Variants in RIN2 observed in about 807,000 individuals in gnomAD.
RIN2 encodes the protein RAB5 interacting protein 2.
In RIN2, 36 loss-of-function variants were observed where a neutral mutation model predicts 78.0. The observed-to-expected ratio is 0.46, with a 90% confidence interval of 0.35 to 0.61. The LOEUF (loss-of-function observed/expected upper bound fraction) is 0.61, where lower values mean the gene tolerates loss of function less well. Ranked by LOEUF, RIN2 falls within the 20% of genes least tolerant of loss-of-function variation. The probability of loss-of-function intolerance (pLI) is 0.00; values close to 1 mark genes in which losing one functional copy is unlikely to be tolerated. For missense variants in RIN2, 1,087 were observed against 1,159.7 expected (o/e 0.94, Z 0.91); for synonymous variants, 466 against 466.8 (o/e 1.00, Z 0.02).
At chr20:19,910,852 G>C (rs570380763) in intron 3 of RIN2, among the ~76,000 whole-genome samples, 1 of 150,144 alleles carries the variant, frequency 6.7e-6, no homozygotes, top group Admixed American at 6.6e-5. Context: ...ACAGGCGTGA[G>C]CCACACCGCA....
chr20:19,859,840 G>A (rs998648310), intron 2 of RIN2, among the ~76,000 whole-genome samples: 1 of 152,144 alleles, frequency 6.6e-6, no homozygotes, highest in Admixed American at 6.5e-5. Flanking sequence ...CAGTCATCAA[G>A]CCCAAAACTT....
chr20:19,901,508 C>T (rs1019678250), intron 3 of RIN2, among the ~76,000 whole-genome samples: 3 of 152,138 alleles, frequency 2.0e-5, no homozygotes, highest in East Asian at 1.9e-4. Context: ...GATTGAGGGG[C>T]GGCTCTTCCC....
intron 4 of RIN2, among the ~76,000 whole-genome samples, chr20:19,953,213 A>C (rs1452069416): frequency 1.3e-5 from 2 of 152,056 alleles, no homozygotes; most frequent in East Asian, 3.9e-4. Context: ...ATCTCGGCTC[A>C]CTGCAACCTC....
intron 3 of RIN2, among the ~76,000 whole-genome samples, chr20:19,921,703 G>T (rs1468123060): frequency 6.6e-6 from 1 of 152,164 alleles, no homozygotes; most frequent in Admixed American, 6.5e-5. Flanking sequence ...GCCCAGAGCC[G>T]AAGAACTGTG....
chr20:19,959,573 C>T (rs1351443221), intron 5 of RIN2, among the ~76,000 whole-genome samples: 1 of 152,132 alleles, frequency 6.6e-6, no homozygotes, highest in Non-Finnish European at 1.5e-5. Context: ...CCCATCTTCC[C>T]ACCCCCCAAA....
chr20:19,952,222 G>T (rs1008391273), intron 4 of RIN2, among the ~76,000 whole-genome samples: 1 of 152,198 alleles, frequency 6.6e-6, no homozygotes, highest in African/African-American at 2.4e-5. Context: ...TATGTCACTG[G>T]CAGTGAGTCT....
intron 3 of RIN2, among the ~76,000 whole-genome samples, chr20:19,897,993 C>G (rs1783529671): frequency 6.6e-6 from 1 of 152,216 alleles, no homozygotes; most frequent in Non-Finnish European, 1.5e-5. Flanking sequence ...GGATTATTGG[C>G]ATGAGCTTTG....
chr20:19,923,488 T>TAAAATAAA lies in RIN2; in HGVS notation c.58-11608_58-11607insATAAAAAA, dbSNP rs1298455817. On this transcript the variant is annotated intron_variant, in intron 3 of 12. Coordinates refer to ENST00000255006, the MANE Select transcript of RIN2 (RefSeq NM_018993.4). ...ATAAAATAAATAAAATAAAATAAAA[T>TAAAATAAA]AAATATTGGCTGAGAGGTGTGGTTC... is the stretch of plus-strand genomic sequence containing the variant. Among the ~76,000 whole-genome samples the TAAAATAAA allele has an allele frequency of 8.5e-4, 121 of 141,690 alleles. 1 individual carries two copies. Among genetic ancestry groups the TAAAATAAA allele is most frequent in the African/African-American group, 3.1e-3 (116 of 36,868 alleles). The allele number at this position is 141,690 out of a possible 152,430, so 93.0% of individuals were successfully genotyped here. A position where few individuals can be genotyped will look rare whatever the true frequency, so the allele number is the denominator to read the frequency against.
chr20:19,804,526 C>G (rs2035343947), intron 2 of RIN2, among the ~76,000 whole-genome samples: 1 of 152,184 alleles, frequency 6.6e-6, no homozygotes, highest in African/African-American at 2.4e-5. Flanking sequence ...ATCAAACCAG[C>G]CTTGCATCCC....
chr20:19,995,148 A>T (rs1431786345), intron 11 of RIN2, among the ~76,000 whole-genome samples: 1 of 151,904 alleles, frequency 6.6e-6, no homozygotes, highest in Non-Finnish European at 1.5e-5. Flanking sequence ...AGGGTCTCAC[A>T]TGAATAAAGC....
chr20:19,804,981 TC>T (rs2035359239), intron 2 of RIN2, among the ~76,000 whole-genome samples: 1 of 152,200 alleles, frequency 6.6e-6, no homozygotes, highest in African/African-American at 2.4e-5. Context: ...GGTCTTTGTG[TC>T]CAGTAATTTA....
intron 4 of RIN2, among the ~76,000 whole-genome samples, chr20:19,945,232 CT>C (rs1012922372): frequency 1.3e-5 from 2 of 152,184 alleles, no homozygotes; most frequent in African/African-American, 4.8e-5. Flanking sequence ...CACCTAACCG[CT>C]GAAGATTAGG....
chr20:19,933,221 C>T (rs775631897), intron 3 of RIN2, among the ~76,000 whole-genome samples: 2 of 152,200 alleles, frequency 1.3e-5, no homozygotes, highest in African/African-American at 2.4e-5. Flanking sequence ...CTACTTAAGG[C>T]CTTCCAATGG....
In RIN2 at chr20:19,837,172, ACAC is replaced by A. The variant is rs2036445745; in HGVS notation, c.-37+37426_-37+37428del. 8.3e-4 allele frequency among the ~76,000 whole-genome samples: 28 copies of A among 33,642 alleles called. No homozygotes were observed. The East Asian group carries it at 0.051, about 61-fold the overall frequency. 22.1% of individuals were successfully genotyped at this position (33,642 alleles called of 152,430 possible). ...AACATCACACACCGCCCCCCCCAAC[ACAC>A]ACACACACACACACACACACACACA... On this transcript the variant is annotated intron_variant, in intron 2 of 12. Transcript: ENST00000255006.
chr20:19,805,785 G>T (rs1276980377), intron 2 of RIN2, among the ~76,000 whole-genome samples: 1 of 151,924 alleles, frequency 6.6e-6, no homozygotes, highest in Non-Finnish European at 1.5e-5. Flanking sequence ...TTGTTACATA[G>T]GTATACATGT....
intron 2 of RIN2, among the ~76,000 whole-genome samples, chr20:19,885,871 C>T (rs960410383): frequency 7.9e-5 from 12 of 151,702 alleles, no homozygotes; most frequent in African/African-American, 2.4e-4. Flanking sequence ...TAAATATATA[C>T]AATTTTTACT....
intron 2 of RIN2, among the ~76,000 whole-genome samples, chr20:19,833,198 A>G (rs138808416): frequency 2.6e-5 from 4 of 152,216 alleles, no homozygotes; most frequent in African/African-American, 9.6e-5. Context: ...CGTCTTTTCA[A>G]TGATAGTCAT....
chr20:19,844,698 C>CTTCTTCTTCTTCTTCT (rs2036720210), intron 2 of RIN2, among the ~76,000 whole-genome samples: 30 of 26,360 alleles, frequency 1.1e-3, no homozygotes, highest in African/African-American at 3.5e-3. Context: ...CTTCCTCTTC[C>CTTCTTCTTCTTCTTCT]TCTTCTTCTT....
At chr20:19,998,228 C>T (rs73605561) in intron 12 of RIN2, among the ~76,000 whole-genome samples, 12,478 of 151,978 alleles carry the variant, frequency 0.082, 1,612 homozygotes, top group East Asian at 0.61. Flanking sequence ...CTGATCCACC[C>T]GCCTCAGCTT....
Sources: allele counts gnomAD v4.1 joint callset (sites outside exome capture counted in the v4.1 genomes callset), GRCh38; gene constraint gnomAD v4.1.1; transcripts MANE v1.5; gene names NCBI Gene and HGNC (gene_info 2026-07-23, HGNC 2026-07-21).